The following SLC6A2 variants were observed in gnomAD, a reference collection of about 807,000 sequenced individuals.
SLC6A2 encodes the protein sodium-dependent noradrenaline transporter.
Under a neutral mutation model 71.7 loss-of-function variants are expected in SLC6A2, and 26 were observed. The observed-to-expected ratio is 0.36, with a 90% confidence interval of 0.27 to 0.50. The LOEUF (loss-of-function observed/expected upper bound fraction) is 0.50. Among genes scored for constraint, SLC6A2 ranks in the 20% least tolerant of loss-of-function variants. The pLI is 0.96. For missense variants in SLC6A2, 581 were observed against 803.9 expected (o/e 0.72, Z 3.35); for synonymous variants, 363 against 337.9 (o/e 1.07, Z -0.82).
Position 55,671,958 on chromosome 16 carries a change from C to T in SLC6A2, c.427C>T (p.Leu143=). The T allele has an allele frequency of 6.2e-7, 1 of 1,614,142 alleles. No homozygotes were observed. The highest frequency in any genetic ancestry group is 8.5e-7 in the Non-Finnish European group (1 of 1,180,024). ...FFKGVGYAVI[L]IALYVGFYYN... ...CCCAGGCGTTGGCTATGCTGTCATC[C>T]TGATCGCCCTGTACGTTGGCTTCTA... is the stretch of plus-strand genomic sequence containing the variant. The change falls in exon 4 of 15, where the codon CTG becomes TTG. Residue 143 remains leucine (L), a synonymous_variant. Transcript: ENST00000568943.
In SLC6A2 at chr16:55,703,560, A is replaced by T. The variant is rs1966036600; in HGVS notation, c.*1214A>T. 3.2e-5 allele frequency: 32 copies of T among 985,428 alleles called. No homozygotes were observed. The highest frequency in any genetic ancestry group is 3.9e-5 in the Non-Finnish European group (32 of 829,948). The allele number at this position is 985,428 out of a possible 1,614,324, so 61.0% of individuals were successfully genotyped here. On this transcript the variant is annotated 3_prime_UTR_variant, in exon 15 of 15. Coordinates refer to ENST00000568943, the MANE Select transcript of SLC6A2 (RefSeq NM_001172501.3). Reference sequence around the variant, plus strand: ...AGAGAATTTCTAGGTTTCTACTTGGATCTACTTCTGATACAAACTTGCACT... The same window carrying T: ...AGAGAATTTCTAGGTTTCTACTTGGTTCTACTTCTGATACAAACTTGCACT...
At chr16:55,664,255 A>G (rs1002936298) in intron 2 of SLC6A2, among the ~76,000 whole-genome samples, 1 of 152,060 alleles carries the variant, frequency 6.6e-6, no homozygotes, top group African/African-American at 2.4e-5. Context: ...CACTGCATGC[A>G]TCCCCCTCCC....
intron 2 of SLC6A2, among the ~76,000 whole-genome samples, chr16:55,660,100 G>A (rs1264508112): frequency 6.6e-6 from 1 of 152,200 alleles, no homozygotes; most frequent in African/African-American, 2.4e-5. Context: ...GGAGGAGGTG[G>A]GCTGTGGTTG....
At chr16:55,701,841 C>G (rs1965979807) in intron 13 of SLC6A2, 22 bp from the exon 14 acceptor site, 1 of 1,607,486 alleles carries the variant, frequency 6.2e-7, no homozygotes, top group African/African-American at 1.3e-5. Flanking sequence ...GCTGAGGCCT[C>G]CTCCCCTTCT....
rs763365563 is a variant in SLC6A2, at chr16:55,703,864, G to C, written c.*1518G>C. On this transcript the variant is annotated 3_prime_UTR_variant, in exon 15 of 15. Transcript: ENST00000568943. ...ATGAAGAGGATTATGAGGGGACCAG[G>C]GTGGGGCAGGGAGATGGTTTTGTCT... 125 of 953,540 alleles carry C rather than the reference G, an allele frequency of 1.3e-4. No homozygotes were observed. The highest frequency in any genetic ancestry group is 1.5e-4 in the Non-Finnish European group (121 of 801,062). The allele number at this position is 953,540 out of a possible 1,614,324, so 59.1% of individuals were successfully genotyped here.
At chr16:55,696,933 A>C (rs1166762518) in intron 9 of SLC6A2, among the ~76,000 whole-genome samples, 1 of 152,224 alleles carries the variant, frequency 6.6e-6, no homozygotes, top group Non-Finnish European at 1.5e-5. Flanking sequence ...GCAGTGAGCT[A>C]TGATTATACC....
chr16:55,667,251 C>T (rs1964778979), intron 2 of SLC6A2, among the ~76,000 whole-genome samples: 1 of 152,154 alleles, frequency 6.6e-6, no homozygotes, highest in South Asian at 2.1e-4. Flanking sequence ...GCTCTAGATC[C>T]TCAAGGGGAG....
At chr16:55,702,005 C>A in intron 14 of SLC6A2, 71 bp downstream of exon 14, 1 of 1,160,414 alleles carries the variant, frequency 8.6e-7, no homozygotes, top group Non-Finnish European at 1.3e-6. Flanking sequence ...CTGTGCACTG[C>A]CCAAGGCTAG....
In SLC6A2 at chr16:55,697,894, C is replaced by T. The variant is rs1965848832; in HGVS notation, c.1261-3C>T. 1.9e-6 allele frequency: 3 copies of T among 1,613,922 alleles called. No homozygotes were observed. The highest frequency in any genetic ancestry group is 2.5e-6 in the Non-Finnish European group (3 of 1,180,010). Reference sequence around the variant, plus strand: ...GCACCCCACCCCTCCTGGTTCCCTCCAGATGGGAGGCATGGAGGCTGTCAT... The same window carrying T: ...GCACCCCACCCCTCCTGGTTCCCTCTAGATGGGAGGCATGGAGGCTGTCAT... On this transcript the variant is annotated splice_region_variant and splice_polypyrimidine_tract_variant and intron_variant, in intron 9 of 14. Coordinates refer to ENST00000568943, the MANE Select transcript of SLC6A2 (RefSeq NM_001172501.3).
intron 4 of SLC6A2, among the ~76,000 whole-genome samples, chr16:55,672,489 T>C (rs529862608): frequency 5.0e-4 from 76 of 152,276 alleles, no homozygotes; most frequent in African/African-American, 1.7e-3. Flanking sequence ...ATGTAACTGC[T>C]CTTAAAGAAC....
At chr16:55,698,321 T>TACA in intron 10 of SLC6A2, 148 bp from the exon 11 acceptor site, 1 of 732,494 alleles carries the variant, frequency 1.4e-6, no homozygotes, top group Admixed American at 2.0e-5. Flanking sequence ...GTAACGTCAA[T>TACA]ACAACAGCAC....
rs1322766427 is a variant in SLC6A2 at position 55,705,838 on chromosome 16, T to A, written c.*3492T>A. The A allele has an allele frequency of 6.6e-6, 1 of 152,260 alleles. No individual in the cohort carries two copies. The highest frequency in any genetic ancestry group is 2.4e-5 in the African/African-American group (1 of 41,460). The allele number at this position is 152,260 out of a possible 1,614,324, so 9.4% of individuals were successfully genotyped here. A position where few individuals can be genotyped will look rare whatever the true frequency, so the allele number is the denominator to read the frequency against. ...TTCAATAGTTCCTCTTTCTCAGATA[T>A]TTTTCAACTGATGCCAGAAACACTT... On this transcript the variant is annotated 3_prime_UTR_variant, in exon 15 of 15. Coordinates refer to ENST00000568943, the MANE Select transcript of SLC6A2 (RefSeq NM_001172501.3).
chr16:55,667,056 G>A (rs1204258615), intron 2 of SLC6A2, among the ~76,000 whole-genome samples: 1 of 151,336 alleles, frequency 6.6e-6, no homozygotes, highest in African/African-American at 2.4e-5. Flanking sequence ...CACCCAGGCT[G>A]CAGGGCAGTG....
In SLC6A2 at chr16:55,656,722, G is replaced by C; in HGVS notation, c.28G>C (p.Val10Leu). MLLARMNPQ[V>L]QPENNGADTG... ...GCTTCTGGCGCGGATGAACCCGCAG[G>C]TGCAGCCCGAGAACAACGGGGCGGA... is the stretch of plus-strand genomic sequence containing the variant. The change falls in exon 2 of 15, where the codon GTG (valine) becomes CTG (leucine). Residue 10 changes from valine to leucine, a missense_variant. Physicochemically the swap from Val to Leu is conservative, Grantham distance 32. Around this residue, in one of 5 missense-constraint regions of SLC6A2, gnomAD observed 76 missense variants for 79.9 expected, o/e 0.95. Coordinates refer to ENST00000568943, the MANE Select transcript of SLC6A2 (RefSeq NM_001172501.3). This position sits in a 1 kb window ranked among gnomAD's most constrained non-coding sequence, Gnocchi z 4.5. 1 of 1,612,778 alleles carries C rather than the reference G, an allele frequency of 6.2e-7. No individual in the cohort carries two copies. The highest frequency in any genetic ancestry group is 8.5e-7 in the Non-Finnish European group (1 of 1,179,944).
chr16:55,673,961 G>T (rs1189959374), intron 4 of SLC6A2, among the ~76,000 whole-genome samples: 1 of 151,956 alleles, frequency 6.6e-6, no homozygotes, highest in Non-Finnish European at 1.5e-5. Context: ...ATCAGTATGG[G>T]CTCCTGGATA....
chr16:55,699,379 TG>T (rs1567458269), intron 11 of SLC6A2, among the ~76,000 whole-genome samples, 174 bp from the exon 12 acceptor site: 1 of 152,220 alleles, frequency 6.6e-6, no homozygotes, highest in Non-Finnish European at 1.5e-5. Flanking sequence ...TCCTAGAGTT[TG>T]TCCTCTCCCT....
intron 5 of SLC6A2, among the ~76,000 whole-genome samples, chr16:55,685,841 A>T (rs1965434498): frequency 2.0e-5 from 3 of 152,066 alleles, no homozygotes; most frequent in African/African-American, 4.8e-5. Flanking sequence ...GGTTTAGATG[A>T]CCCATGAGGG....
rs55916165 is a variant in SLC6A2 at position 55,702,762 on chromosome 16, C to T, written c.*416C>T. ...ATACCCCTCCCAAAAAAAAAAAAAA[C>T]TAAAACTAAAGCAAAAATCAAACAA... On this transcript the variant is annotated 3_prime_UTR_variant, in exon 15 of 15. Coordinates refer to ENST00000568943, the MANE Select transcript of SLC6A2 (RefSeq NM_001172501.3). 8 of 620,154 alleles carry T rather than the reference C, an allele frequency of 1.3e-5. No individual in the cohort carries two copies. The East Asian group carries it at 7.7e-4, about 59-fold the overall frequency. 38.4% of individuals were successfully genotyped at this position (620,154 alleles called of 1,614,324 possible). A position where few individuals can be genotyped will look rare whatever the true frequency, so the allele number is the denominator to read the frequency against.
Position 55,695,668 on chromosome 16 carries a change from C to A in SLC6A2, c.1147+266C>A, listed in dbSNP as rs1472377523. ...CTGTCCTCTCTGTACCAGCCCTGGGCTAAGCACTTGACATACCTCCACTTA... is the reference window on the plus strand; with the variant it reads ...CTGTCCTCTCTGTACCAGCCCTGGGATAAGCACTTGACATACCTCCACTTA... On this transcript the variant is annotated intron_variant, in intron 8 of 14. Transcript: ENST00000568943. 2.0e-5 allele frequency among the ~76,000 whole-genome samples: 3 copies of A among 152,332 alleles called. 1 individual carries two copies. The highest frequency in any genetic ancestry group is 4.4e-5 in the Non-Finnish European group (3 of 68,022).
Sources: gnomAD v4.1 joint callset for allele counts (sites outside exome capture counted in the v4.1 genomes callset) on GRCh38, gnomAD v4.1.1 for gene constraint, gnomAD v4.1.1 regional missense constraint, Gnocchi (gnomAD v3.1) non-coding constraint, MANE v1.5 for transcripts, NCBI Gene and HGNC (gene_info 2026-07-23, HGNC 2026-07-21) for gene names.